PDE1A: variants seen among roughly 807,000 people sequenced by gnomAD.
The protein encoded by PDE1A is phosphodiesterase 1A.
Under a neutral mutation model 61.7 loss-of-function variants are expected in PDE1A, and 35 were observed. The observed-to-expected ratio is 0.57, with a 90% CI of 0.43 to 0.75. The LOEUF (loss-of-function observed/expected upper bound fraction) is 0.75, where lower values mean the gene tolerates loss of function less well. Among genes scored for constraint, PDE1A ranks in the 30% least tolerant of loss-of-function variants. The probability of loss-of-function intolerance (pLI) is 0.00; values close to 1 mark genes in which losing one functional copy is unlikely to be tolerated. For synonymous variants in PDE1A, 232 were observed against 213.2 expected (o/e 1.09, Z -0.77); for missense variants, 597 against 630.6 (o/e 0.95, Z 0.57).
At chr2:182,509,780 G>A (rs996780003) in intron 2 of PDE1A, among the ~76,000 whole-genome samples, 2 of 152,144 alleles carry the variant, frequency 1.3e-5, no homozygotes, top group African/African-American at 2.4e-5. Context: ...TGATACCAAA[G>A]TTGTTCAGCT....
chr2:182,648,536 T>TAAAAAAAAAAAAAAAAAAAAAAAAAAAA, the PDE1A span, among the ~76,000 whole-genome samples: 1 of 92,212 alleles, frequency 1.1e-5, no homozygotes, highest in Non-Finnish European at 2.3e-5. Context: ...AAAAAAAAAT[T>TAAAAAAAAAAAAAAAAAAAAAAAAAAAA]AAAAAAATTA....
intron 1 of PDE1A, among the ~76,000 whole-genome samples, chr2:182,341,151 A>G (rs576369115): frequency 6.6e-6 from 1 of 152,338 alleles, no homozygotes; most frequent in Non-Finnish European, 1.5e-5. Flanking sequence ...TTTCAATCCC[A>G]ATTCTCACAA....
upstream of PDE1A, among the ~76,000 whole-genome samples, chr2:182,524,821 C>T (rs955592396): frequency 6.6e-6 from 1 of 151,738 alleles, no homozygotes; most frequent in Non-Finnish European, 1.5e-5. Flanking sequence ...ATTTGTATGT[C>T]CCTCATTTCT....
intron 1 of PDE1A, among the ~76,000 whole-genome samples, chr2:182,276,718 G>C (rs545821614): frequency 1.3e-5 from 2 of 152,004 alleles, no homozygotes; most frequent in African/African-American, 4.8e-5. Context: ...TTTTCTTCTT[G>C]CAGAGAGCCT....
the PDE1A span, among the ~76,000 whole-genome samples, chr2:182,564,573 G>A: frequency 6.6e-6 from 1 of 152,094 alleles, no homozygotes; most frequent in Non-Finnish European, 1.5e-5. Context: ...GGCGTTCTCT[G>A]TATTTCCTGA....
At chr2:182,602,161 C>T in the PDE1A span, among the ~76,000 whole-genome samples, 1 of 152,248 alleles carries the variant, frequency 6.6e-6, no homozygotes, top group Non-Finnish European at 1.5e-5. Flanking sequence ...CATTTCTGAG[C>T]CTATGAAGGC....
the PDE1A span, among the ~76,000 whole-genome samples, chr2:182,580,026 C>T: frequency 6.6e-6 from 1 of 152,286 alleles, no homozygotes; most frequent in East Asian, 1.9e-4. Flanking sequence ...AGGCTAACAA[C>T]ATCTTCAAAA....
At chr2:182,288,128 G>A (rs976178602) in intron 1 of PDE1A, among the ~76,000 whole-genome samples, 4 of 152,060 alleles carry the variant, frequency 2.6e-5, no homozygotes, top group African/African-American at 9.7e-5. Flanking sequence ...TTGCAAATGT[G>A]GAATGAAGAC....
intron 2 of PDE1A, among the ~76,000 whole-genome samples, chr2:182,474,961 G>A (rs546078567): frequency 6.6e-6 from 1 of 152,052 alleles, no homozygotes; most frequent in Non-Finnish European, 1.5e-5. Flanking sequence ...AATGGGAAAT[G>A]GATCATGTCT....
chr2:182,179,045 G>A (rs753247133), intron 13 of PDE1A, among the ~76,000 whole-genome samples: 1 of 152,092 alleles, frequency 6.6e-6, no homozygotes, highest in African/African-American at 2.4e-5. Context: ...AGAAACCCTG[G>A]ATTGACCAGG....
chr2:182,668,456 C>G, the PDE1A span, among the ~76,000 whole-genome samples: 2 of 151,506 alleles, frequency 1.3e-5, no homozygotes, highest in Non-Finnish European at 2.9e-5. Context: ...GCAAAAAAAA[C>G]CAATAGAGGC....
chr2:182,219,132 T>C (rs538213202), intron 7 of PDE1A, among the ~76,000 whole-genome samples: 1 of 152,210 alleles, frequency 6.6e-6, no homozygotes, highest in Non-Finnish European at 1.5e-5. Flanking sequence ...TTTATTGTTA[T>C]AGATCCTTTT....
the PDE1A span, among the ~76,000 whole-genome samples, chr2:182,692,835 G>A: frequency 1.3e-5 from 2 of 151,268 alleles, no homozygotes; most frequent in Non-Finnish European, 2.9e-5. Context: ...CCTCCTCTTG[G>A]GTCATTTCAG....
chr2:182,530,912 A>C, the PDE1A span, among the ~76,000 whole-genome samples: 7 of 152,158 alleles, frequency 4.6e-5, no homozygotes, highest in Non-Finnish European at 1.0e-4. Context: ...AATTGTTTAA[A>C]AGTTGAAGCA....
At chr2:182,543,068 C>T in the PDE1A span, among the ~76,000 whole-genome samples, 1 of 152,108 alleles carries the variant, frequency 6.6e-6, no homozygotes. Flanking sequence ...CTCTATTTCC[C>T]TGAAGTTACA....
chr2:182,479,976 T>C (rs2125840212), intron 2 of PDE1A, among the ~76,000 whole-genome samples: 1 of 151,814 alleles, frequency 6.6e-6, no homozygotes, highest in African/African-American at 2.4e-5. Flanking sequence ...CAAAACTTCC[T>C]AAAATATCAT....
chr2:182,303,153 T>C (rs1053155766), intron 1 of PDE1A, among the ~76,000 whole-genome samples: 11 of 152,212 alleles, frequency 7.2e-5, no homozygotes, highest in African/African-American at 2.7e-4. Flanking sequence ...ATAAATGTCA[T>C]CTAGAATGGT....
chr2:182,635,021 G>T, the PDE1A span, among the ~76,000 whole-genome samples: 1 of 151,466 alleles, frequency 6.6e-6, no homozygotes, highest in African/African-American at 2.4e-5. Flanking sequence ...CTGAATTTTA[G>T]AATTATAGGA....
intron 1 of PDE1A, among the ~76,000 whole-genome samples, chr2:182,298,299 T>G (rs1317687278): frequency 6.6e-6 from 1 of 152,154 alleles, no homozygotes; most frequent in Non-Finnish European, 1.5e-5. Flanking sequence ...ACAGTATCAG[T>G]TGAGCTCACT....
Sources: allele counts gnomAD v4.1 joint callset (sites outside exome capture counted in the v4.1 genomes callset), GRCh38; gene constraint gnomAD v4.1.1; transcripts MANE v1.5; gene names NCBI Gene and HGNC (gene_info 2026-07-23, HGNC 2026-07-21).